NDUFV2: variants seen among roughly 807,000 people sequenced by gnomAD.
The protein encoded by NDUFV2 is NADH dehydrogenase [ubiquinone] flavoprotein 2, mitochondrial.
In NDUFV2, 18 loss-of-function variants were observed where a neutral mutation model predicts 31.6. The observed-to-expected ratio is 0.57, with a 90% CI of 0.39 to 0.84. NDUFV2 has a LOEUF of 0.84. Among genes scored for constraint, NDUFV2 ranks in the 40% least tolerant of loss-of-function variants. The pLI is 0.00. For synonymous variants in NDUFV2, 83 were observed against 99.8 expected, an observed-to-expected ratio of 0.83 and a Z score of 1.01; for missense variants, 314 against 303.6, an observed-to-expected ratio of 1.03 and a Z score of -0.26.
chr18:9,123,908 G>T (rs1424706826), intron 5 of NDUFV2, among the ~76,000 whole-genome samples: 1 of 152,162 alleles, frequency 6.6e-6, no homozygotes, highest in Non-Finnish European at 1.5e-5. Flanking sequence ...AGACTTTACC[G>T]TATTTTTCCC....
At chr18:9,104,073 A>G (rs1471359211) in intron 1 of NDUFV2, 11 of 1,431,238 alleles carry the variant, frequency 7.7e-6, no homozygotes, top group East Asian at 4.7e-5. Flanking sequence ...GGGTCATCCA[A>G]TGTGGTTTCA....
intron 4 of NDUFV2, among the ~76,000 whole-genome samples, chr18:9,120,909 C>T (rs1295207941): frequency 2.0e-5 from 3 of 151,862 alleles, no homozygotes; most frequent in Non-Finnish European, 4.4e-5. Flanking sequence ...TGCTGAGTGG[C>T]ACGTTAGCAG....
At chr18:9,124,788 C>A in intron 5 of NDUFV2, 86 bp from the exon 6 acceptor site, 1 of 1,319,488 alleles carries the variant, frequency 7.6e-7, no homozygotes, top group African/African-American at 1.6e-5. Flanking sequence ...TTTAATATAC[C>A]TCTATAAAAA....
chr18:9,111,451 CAG>C (rs1166559215), intron 1 of NDUFV2, among the ~76,000 whole-genome samples: 1 of 151,718 alleles, frequency 6.6e-6, no homozygotes, highest in Non-Finnish European at 1.5e-5. Flanking sequence ...CCCCCCGAGA[CAG>C]AGTCTCACTC....
intron 1 of NDUFV2, among the ~76,000 whole-genome samples, chr18:9,106,638 A>G (rs899256168): frequency 6.6e-6 from 1 of 152,214 alleles, no homozygotes; most frequent in African/African-American, 2.4e-5. Flanking sequence ...ACCCCAAAAC[A>G]TTTAGTTTTT....
chr18:9,110,419 A>C (rs2077863982), intron 1 of NDUFV2, among the ~76,000 whole-genome samples: 1 of 152,204 alleles, frequency 6.6e-6, no homozygotes, highest in South Asian at 2.1e-4. Flanking sequence ...GATAGGGATG[A>C]ATAACAGTTT....
chr18:9,117,036 T>C (rs895839547), intron 1 of NDUFV2, among the ~76,000 whole-genome samples: 1 of 147,616 alleles, frequency 6.8e-6, no homozygotes, highest in Non-Finnish European at 1.5e-5. Context: ...TTTCTGAAAC[T>C]ACTTTTTTTT....
intron 6 of NDUFV2, among the ~76,000 whole-genome samples, chr18:9,125,415 T>C (rs2077980587): frequency 6.6e-6 from 1 of 152,200 alleles, no homozygotes; most frequent in African/African-American, 2.4e-5. Context: ...TATATATGTA[T>C]GCAGCTATAC....
chr18:9,122,658 T>A lies in NDUFV2; in HGVS notation c.446T>A (p.Leu149Gln). The part of the protein sequence containing the change: ...PCMLRNSDSI[L>Q]EAIQKKLGIK... The stretch of plus-strand genomic sequence containing the variant: ...ATGCTTCGAAACTCTGACAGCATAC[T>A]GGAGGCCATTCAGAAAAAGCTTGGT... The change falls in exon 5 of 8, where the codon CTG (leucine) becomes CAG (glutamine). Residue 149 changes from leucine to glutamine, a missense_variant. Physicochemically the swap from Leu to Gln is moderately radical, Grantham distance 113. Coordinates refer to ENST00000318388, the MANE Select transcript of NDUFV2 (RefSeq NM_021074.5). The A allele has an allele frequency of 1.2e-6, 2 of 1,614,010 alleles. No individual in the cohort carries two copies. Among genetic ancestry groups the A allele is most frequent in the Non-Finnish European group, 8.5e-7 (1 of 1,179,910 alleles).
At chr18:9,108,743 T>G (rs145649500) in intron 1 of NDUFV2, among the ~76,000 whole-genome samples, 1,895 of 150,444 alleles carry the variant, frequency 0.013, 49 homozygotes, top group African/African-American at 0.045. Flanking sequence ...CAGGCTGGAG[T>G]TCAGTGGCGT....
At position 9,124,890 on chromosome 18, in the gene NDUFV2, G is replaced by A. The variant is rs1383297037; in HGVS notation, c.486G>A (p.Glu162=). The A allele has an allele frequency of 1.2e-6, 2 of 1,611,606 alleles. No individual in the cohort carries two copies. The highest frequency in any genetic ancestry group is 1.7e-6 in the Non-Finnish European group (2 of 1,179,212). ...IQKKLGIKVG[E]TTPDKLFTLI... ...TATTTTTAGGAATAAAGGTTGGGGA[G>A]ACTACACCTGACAAACTTTTCACTC... Residue 162 remains glutamate, a synonymous_variant, in exon 6 of 8, where the codon GAG becomes GAA. Transcript: ENST00000318388.
intron 7 of NDUFV2, among the ~76,000 whole-genome samples, chr18:9,132,043 C>T (rs1394659147): frequency 1.3e-5 from 2 of 151,996 alleles, no homozygotes; most frequent in Admixed American, 6.6e-5. Flanking sequence ...GTGTGAATGG[C>T]GAGGAAGGGA....
intron 7 of NDUFV2, among the ~76,000 whole-genome samples, chr18:9,132,722 A>C (rs2078050662): frequency 6.6e-6 from 1 of 152,100 alleles, no homozygotes; most frequent in African/African-American, 2.4e-5. Context: ...GAAAAATACA[A>C]AAATTAGCCA....
At chr18:9,112,042 A>G (rs564016929) in intron 1 of NDUFV2, among the ~76,000 whole-genome samples, 1 of 131,650 alleles carries the variant, frequency 7.6e-6, no homozygotes, top group African/African-American at 3.0e-5. Flanking sequence ...TTTTTGATAG[A>G]GAATCTCGCT....
chr18:9,110,261 T>C (rs922385456), intron 1 of NDUFV2, among the ~76,000 whole-genome samples: 28 of 152,296 alleles, frequency 1.8e-4, no homozygotes, highest in Admixed American at 5.9e-4. Flanking sequence ...CAGTAAGTAG[T>C]GTAAAGATGT....
At chr18:9,122,991 C>T (rs746458085) in intron 5 of NDUFV2, among the ~76,000 whole-genome samples, 10 of 152,122 alleles carry the variant, frequency 6.6e-5, no homozygotes, top group Non-Finnish European at 1.0e-4. Context: ...ACTTACTATT[C>T]TATGACAGCA....
chr18:9,104,931 C>A, intron 1 of NDUFV2: 1 of 1,525,798 alleles, frequency 6.6e-7, no homozygotes, highest in Non-Finnish European at 8.9e-7. Flanking sequence ...ATTTTGATGT[C>A]TACACATAAC....
chr18:9,125,179 A>C (rs1281087519), intron 6 of NDUFV2, among the ~76,000 whole-genome samples, 196 bp downstream of exon 6: 4 of 152,206 alleles, frequency 2.6e-5, no homozygotes, highest in African/African-American at 9.7e-5. Flanking sequence ...TTAAAACTTT[A>C]GATTATGAAA....
At chr18:9,103,431 A>G (rs1356006700) in intron 1 of NDUFV2, 1 of 299,420 alleles carries the variant, frequency 3.3e-6, no homozygotes, top group Non-Finnish European at 6.1e-6. Context: ...AGTACATCTC[A>G]TGGTAGGCAA....
Sources: gnomAD v4.1 joint callset for allele counts (sites outside exome capture counted in the v4.1 genomes callset) on GRCh38, gnomAD v4.1.1 for gene constraint, MANE v1.5 for transcripts, NCBI Gene and HGNC (gene_info 2026-07-23, HGNC 2026-07-21) for gene names.